MCTP2: variants seen among roughly 807,000 people sequenced by gnomAD.
MCTP2 encodes the protein multiple C2 and transmembrane domain containing 2.
In MCTP2, 132 loss-of-function variants were observed where a neutral mutation model predicts 111.6. The observed-to-expected ratio is 1.18, with a 90% CI of 1.03 to 1.37. The LOEUF (loss-of-function observed/expected upper bound fraction) is 1.37, where lower values mean the gene tolerates loss of function less well. Among genes scored for constraint, MCTP2 ranks in the 40% most tolerant of loss-of-function variants. MCTP2 has a pLI of 0.00. For missense variants in MCTP2, 1,183 were observed against 1,067.9 expected (o/e 1.11, Z -1.50); for synonymous variants, 395 against 387.7 (o/e 1.02, Z -0.22).
chr15:94,396,277 A>T (rs761197720), intron 14 of MCTP2, among the ~76,000 whole-genome samples: 13 of 152,152 alleles, frequency 8.5e-5, no homozygotes, highest in Non-Finnish European at 1.8e-4. Flanking sequence ...GCCTTTGCTG[A>T]CGGAGATCTC....
chr15:94,468,352 A>G (rs1043325360), intron 20 of MCTP2, among the ~76,000 whole-genome samples: 4 of 152,146 alleles, frequency 2.6e-5, no homozygotes, highest in African/African-American at 4.8e-5. Flanking sequence ...GATTTATTCA[A>G]TCAATTTCTG....
intron 4 of MCTP2, among the ~76,000 whole-genome samples, chr15:94,333,561 C>T (rs959109838): frequency 1.3e-5 from 2 of 151,976 alleles, no homozygotes; most frequent in African/African-American, 4.8e-5. Context: ...TTCTATTCAC[C>T]ATTTGTATTG....
At chr15:94,328,219 C>T (rs1321859109) in intron 4 of MCTP2, among the ~76,000 whole-genome samples, 18 of 150,936 alleles carry the variant, frequency 1.2e-4, no homozygotes, top group Admixed American at 1.2e-3. Context: ...GGCTCTGCCT[C>T]CCGGGTTCAT....
chr15:94,304,415 A>G (rs2152344697), intron 2 of MCTP2, among the ~76,000 whole-genome samples: 1 of 152,348 alleles, frequency 6.6e-6, no homozygotes, highest in East Asian at 1.9e-4. Flanking sequence ...GCACTCCAGC[A>G]AGGGTGACAG....
At chr15:94,259,055 A>C (rs2073022441) in intron 1 of MCTP2, among the ~76,000 whole-genome samples, 1 of 152,202 alleles carries the variant, frequency 6.6e-6, no homozygotes, top group African/African-American at 2.4e-5. Context: ...TGGAAGTTCC[A>C]ATATTTTCTT....
chr15:94,448,572 A>G (rs1176976415), intron 19 of MCTP2, among the ~76,000 whole-genome samples: 1 of 152,182 alleles, frequency 6.6e-6, no homozygotes, highest in East Asian at 1.9e-4. Flanking sequence ...TGGGTTTCTG[A>G]TTTTTAAATT....
intron 2 of MCTP2, among the ~76,000 whole-genome samples, chr15:94,309,852 A>T (rs573285884): frequency 1.8e-4 from 27 of 152,350 alleles, no homozygotes; most frequent in Non-Finnish European, 2.6e-4. Context: ...TATTTAAAAA[A>T]ACACAAATGA....
chr15:94,313,888 A>G (rs549580004), intron 2 of MCTP2, among the ~76,000 whole-genome samples: 32 of 152,324 alleles, frequency 2.1e-4, no homozygotes, highest in African/African-American at 7.5e-4. Context: ...GACATGCTCG[A>G]TTCTCTGGAT....
At chr15:94,331,485 G>A (rs2077130049) in intron 4 of MCTP2, among the ~76,000 whole-genome samples, 1 of 152,100 alleles carries the variant, frequency 6.6e-6, no homozygotes, top group South Asian at 2.1e-4. Flanking sequence ...TATGGGGTGG[G>A]GCTGAGGAAG....
chr15:94,345,205 ACTTTGT>A (rs766387715), intron 8 of MCTP2, 41 bp downstream of exon 8: 29 of 1,587,610 alleles, frequency 1.8e-5, no homozygotes, highest in South Asian at 1.8e-4. Flanking sequence ...TTGGTTAAAA[ACTTTGT>A]CTTTGTAGCA....
At chr15:94,295,295 G>A (rs2075221261) in intron 1 of MCTP2, among the ~76,000 whole-genome samples, 1 of 151,922 alleles carries the variant, frequency 6.6e-6, no homozygotes, top group African/African-American at 2.4e-5. Flanking sequence ...GTCTCTTTGG[G>A]GTGCTGTAGG....
At chr15:94,232,222 T>C (rs1269847523) in intron 1 of MCTP2, among the ~76,000 whole-genome samples, 1 of 152,222 alleles carries the variant, frequency 6.6e-6, no homozygotes, top group Non-Finnish European at 1.5e-5. Context: ...GCGATTAGTT[T>C]CCGCAATTAG....
chr15:94,341,120 G>A (rs913743784), intron 7 of MCTP2, 196 bp downstream of exon 7: 18 of 505,926 alleles, frequency 3.6e-5, no homozygotes, highest in African/African-American at 3.5e-4. Context: ...AAGGAAATTT[G>A]TTAAGGAATT....
chr15:94,358,359 C>G, intron 9 of MCTP2, 123 bp from the exon 10 acceptor site: 5 of 858,074 alleles, frequency 5.8e-6, no homozygotes, highest in Non-Finnish European at 8.6e-6. Context: ...AGAAGTTTAC[C>G]TTTATAAGGG....
intron 20 of MCTP2, among the ~76,000 whole-genome samples, chr15:94,462,252 C>T (rs1041601931): frequency 2.0e-5 from 3 of 152,134 alleles, no homozygotes; most frequent in Admixed American, 1.3e-4. Context: ...ATTTAGAAAA[C>T]GATGTTCTTC....
At chr15:94,371,805 C>T (rs772350272) in intron 12 of MCTP2, among the ~76,000 whole-genome samples, 4 of 152,198 alleles carry the variant, frequency 2.6e-5, no homozygotes, top group Non-Finnish European at 5.9e-5. Flanking sequence ...TCTCCTGCCT[C>T]AGTCTCCCCA....
intron 4 of MCTP2, among the ~76,000 whole-genome samples, chr15:94,319,224 C>A (rs964283103): frequency 1.3e-5 from 2 of 152,178 alleles, no homozygotes; most frequent in African/African-American, 4.8e-5. Context: ...CTGCTCAGGG[C>A]AAGACGGCAT....
At chr15:94,243,197 G>GTATGCGTATATACGTATATACA in intron 1 of MCTP2, among the ~76,000 whole-genome samples, 1 of 148,060 alleles carries the variant, frequency 6.8e-6, no homozygotes, top group African/African-American at 2.5e-5. Context: ...GCGTATATAC[G>GTATGCGTATATACGTATATACA]TATGCGTATA....
At chr15:94,364,957 G>A (rs1301718832) in intron 10 of MCTP2, among the ~76,000 whole-genome samples, 1 of 152,108 alleles carries the variant, frequency 6.6e-6, no homozygotes, top group Non-Finnish European at 1.5e-5. Flanking sequence ...CCTTCTTCCA[G>A]AATGTGGAAA....
Sources: allele counts gnomAD v4.1 joint callset (sites outside exome capture counted in the v4.1 genomes callset), GRCh38; gene constraint gnomAD v4.1.1; transcripts MANE v1.5; gene names NCBI Gene and HGNC (gene_info 2026-07-23, HGNC 2026-07-21).